ZNHIT6: variants seen among roughly 807,000 people sequenced by gnomAD.
The protein encoded by ZNHIT6 is box C/D snoRNA protein 1.
ZNHIT6 carries 45 observed loss-of-function variants against 57.2 expected under a neutral mutation model. The observed-to-expected ratio is 0.79, with a 90% CI of 0.62 to 1.01. ZNHIT6 has a LOEUF of 1.01. ZNHIT6 is among the 50% of genes least tolerant of loss of function. The pLI is 0.00. For synonymous variants in ZNHIT6, 188 were observed against 190.0 expected, an observed-to-expected ratio of 0.99 and a Z score of 0.09; for missense variants, 528 against 567.3, an observed-to-expected ratio of 0.93 and a Z score of 0.70.
Position 85,706,286 on chromosome 1 carries a change from A to G in ZNHIT6, c.792T>C (p.Ile264=). 6.2e-7 allele frequency: 1 copy of G among 1,612,582 alleles called. No individual in the cohort carries two copies. Among genetic ancestry groups the G allele is most frequent in the African/African-American group, 1.3e-5 (1 of 75,038 alleles). The change falls in exon 3 of 10, where the codon ATT becomes ATC. Residue 264 remains isoleucine, a synonymous_variant. Transcript: ENST00000370574. The stretch of plus-strand genomic sequence containing the variant: ...TCATTTCAGTAAACTGTTGTATTGA[A>G]ATGTATGCAGTTTTATCTCGAACTC... ...CNGVRDKTAY[I]SIQQFTEMNL...
chr1:85,693,868 C>T (rs1662285431), intron 5 of ZNHIT6, among the ~76,000 whole-genome samples: 1 of 152,126 alleles, frequency 6.6e-6, no homozygotes, highest in Non-Finnish European at 1.5e-5. Context: ...CCTGTAATCC[C>T]AGTACTTTGG....
intron 5 of ZNHIT6, among the ~76,000 whole-genome samples, chr1:85,684,262 T>C (rs2100689202): frequency 6.6e-6 from 1 of 152,288 alleles, no homozygotes; most frequent in Middle Eastern, 3.4e-3. Flanking sequence ...TTCTGGACAA[T>C]CTGACAAAGC....
At chr1:85,679,920 T>C (rs1661822223) in intron 6 of ZNHIT6, among the ~76,000 whole-genome samples, 1 of 152,214 alleles carries the variant, frequency 6.6e-6, no homozygotes, top group African/African-American at 2.4e-5. Context: ...TGAAAATGTT[T>C]ATAGGCTGGA....
chr1:85,686,560 A>C (rs1195071460), intron 5 of ZNHIT6, among the ~76,000 whole-genome samples: 1 of 152,064 alleles, frequency 6.6e-6, no homozygotes, highest in African/African-American at 2.4e-5. Flanking sequence ...ACCAATTCTC[A>C]TCCCACTCCA....
intron 9 of ZNHIT6, among the ~76,000 whole-genome samples, chr1:85,656,599 A>C (rs1661066600): frequency 6.6e-6 from 1 of 152,176 alleles, no homozygotes; most frequent in Admixed American, 6.5e-5. Flanking sequence ...TATTAAGAAA[A>C]AAGCAACATA....
chr1:85,706,184 G>T, intron 3 of ZNHIT6, 21 bp from the exon 4 acceptor site: 1 of 1,612,116 alleles, frequency 6.2e-7, no homozygotes, highest in Non-Finnish European at 8.5e-7. Context: ...CAAAACAGAA[G>T]AATAAACAAG....
chr1:85,661,282 G>A (rs1163130285), intron 8 of ZNHIT6, among the ~76,000 whole-genome samples: 3 of 152,168 alleles, frequency 2.0e-5, no homozygotes, highest in Non-Finnish European at 4.4e-5. Flanking sequence ...TCACTGGTCT[G>A]TGATCCTGGA....
intron 8 of ZNHIT6, among the ~76,000 whole-genome samples, chr1:85,663,574 T>C (rs1661282350): frequency 6.6e-6 from 1 of 152,182 alleles, no homozygotes; most frequent in Admixed American, 6.6e-5. Context: ...TAATGGAAGT[T>C]CATAGAAATA....
chr1:85,706,259 A>G lies in ZNHIT6; in HGVS notation c.819T>C (p.Asn273=), dbSNP rs1662681271. 6.2e-7 allele frequency: 1 copy of G among 1,611,300 alleles called. No individual in the cohort carries two copies. The highest frequency in any genetic ancestry group is 2.2e-5 in the East Asian group (1 of 44,824). The change falls in exon 3 of 10, where the codon AAT becomes AAC. Residue 273 remains asparagine, a synonymous_variant. Coordinates refer to ENST00000370574, the MANE Select transcript of ZNHIT6 (RefSeq NM_017953.4). ...YISIQQFTEM[N]LLSDYRFLED... The stretch of plus-strand genomic sequence containing the variant: ...CATAAAGTGGCTTACCACTTAGGAG[A>G]TTCATTTCAGTAAACTGTTGTATTG...
chr1:85,670,819 G>A (rs547096790), intron 8 of ZNHIT6, among the ~76,000 whole-genome samples: 2 of 152,238 alleles, frequency 1.3e-5, no homozygotes, highest in South Asian at 4.1e-4. Context: ...AGGTAAGGTG[G>A]CAAGGTAGAA....
intron 5 of ZNHIT6, among the ~76,000 whole-genome samples, chr1:85,695,755 G>C (rs1471113038): frequency 6.6e-6 from 1 of 152,234 alleles, no homozygotes; most frequent in Admixed American, 6.5e-5. Context: ...ACATGGTTCA[G>C]GCCGGGCGCG....
At chr1:85,689,004 CCTAA>C (rs1662140874) in intron 5 of ZNHIT6, among the ~76,000 whole-genome samples, 1 of 152,164 alleles carries the variant, frequency 6.6e-6, no homozygotes, top group South Asian at 2.1e-4. Context: ...TATAAAGCAA[CCTAA>C]CTGATACAAG....
intron 5 of ZNHIT6, among the ~76,000 whole-genome samples, chr1:85,683,029 CA>C (rs1199699369): frequency 9.9e-5 from 15 of 151,406 alleles, no homozygotes; most frequent in Admixed American, 9.9e-4. Context: ...TCAGCCTAGG[CA>C]ACATGATGAT....
chr1:85,685,914 G>A (rs746943271), intron 5 of ZNHIT6, among the ~76,000 whole-genome samples: 7 of 151,720 alleles, frequency 4.6e-5, no homozygotes, highest in Admixed American at 2.0e-4. Context: ...GGCGCATACA[G>A]GATGGCAGTG....
chr1:85,706,179 CAGA>C lies in ZNHIT6; in HGVS notation c.830-19_830-17del, dbSNP rs773280242. On this transcript the variant is annotated splice_polypyrimidine_tract_variant and intron_variant, in intron 3 of 9. Coordinates refer to ENST00000370574, the MANE Select transcript of ZNHIT6 (RefSeq NM_017953.4). Reference sequence around the variant, plus strand: ...AATCGATAATCTAAAAATTTCAAAACAGAAGAATAAACAAGTGACATATACCAA... The same window carrying C: ...AATCGATAATCTAAAAATTTCAAAACAGAATAAACAAGTGACATATACCAA... 18 of 1,612,420 alleles carry C rather than the reference CAGA, an allele frequency of 1.1e-5. No homozygotes were observed. The African/African-American group carries it at 2.0e-4, about 18-fold the overall frequency.
At chr1:85,665,254 T>C (rs1435127995) in intron 8 of ZNHIT6, among the ~76,000 whole-genome samples, 1 of 152,066 alleles carries the variant, frequency 6.6e-6, no homozygotes. Flanking sequence ...AATTGACAAA[T>C]AGGAATTATA....
In ZNHIT6 at chr1:85,680,861, T is replaced by C. The variant is rs1367806385; in HGVS notation, c.1063A>G (p.Ser355Gly). The C allele has an allele frequency of 6.2e-7, 1 of 1,612,912 alleles. No individual in the cohort carries two copies. Among genetic ancestry groups the C allele is most frequent in the Non-Finnish European group, 8.5e-7 (1 of 1,179,494 alleles). The change falls in exon 6 of 10, where the codon AGT becomes GGT. Residue 355 changes from serine to glycine, a missense_variant. Ser to Gly is a moderately conservative substitution (Grantham distance 56, BLOSUM62 0). Transcript: ENST00000370574. ...CTTTTTTCTATGTACTCAGCTTGAC[T>C]TTGAGGAAACTGGAGCTTCACATGC... Reference protein sequence around the residue: ...CWHVKLQFPQSQAEYIEKRVP... With the variant: ...CWHVKLQFPQGQAEYIEKRVP...
chr1:85,680,788 C>T (rs376968719), intron 6 of ZNHIT6, 48 bp downstream of exon 6: 15 of 1,396,796 alleles, frequency 1.1e-5, no homozygotes, highest in Non-Finnish European at 1.5e-5. Context: ...TTTAAATACA[C>T]AGCCTTCAAA....
In ZNHIT6 at chr1:85,698,543, T is replaced by C. The variant is rs866868659; in HGVS notation, c.1019+3614A>G. On this transcript the variant is annotated intron_variant, in intron 5 of 9. Transcript: ENST00000370574. Reference sequence around the variant, plus strand: ...CAGTACAAAAGATTCTTCATTCAGATTCCTCAAAAGTGAAAACATGTAAAT... The same window carrying C: ...CAGTACAAAAGATTCTTCATTCAGACTCCTCAAAAGTGAAAACATGTAAAT... Among the ~76,000 whole-genome samples the C allele has an allele frequency of 3.3e-5, 5 of 152,292 alleles. No homozygotes were observed. The South Asian group carries it at 1.0e-3, about 32-fold the overall frequency.
Sources: gnomAD v4.1 joint callset for allele counts (sites outside exome capture counted in the v4.1 genomes callset) on GRCh38, gnomAD v4.1.1 for gene constraint, MANE v1.5 for transcripts, NCBI Gene and HGNC (gene_info 2026-07-23, HGNC 2026-07-21) for gene names.